SIPA1L1: variants seen among roughly 807,000 people sequenced by gnomAD.
SIPA1L1 encodes signal-induced proliferation-associated 1-like protein 1.
In SIPA1L1, 26 loss-of-function variants were observed where a neutral mutation model predicts 162.7. That is an observed-to-expected ratio of 0.16 (90% confidence interval 0.12 to 0.22). The LOEUF (loss-of-function observed/expected upper bound fraction) is 0.22, where lower values mean the gene tolerates loss of function less well. Among genes scored for constraint, SIPA1L1 ranks in the 10% least tolerant of loss-of-function variants. The pLI is 1.00. For synonymous variants in SIPA1L1, 829 were observed against 837.4 expected (o/e 0.99, Z 0.17); for missense variants, 1,874 against 2,241.0 (o/e 0.84, Z 3.31).
chr14:71,445,427 TAA>T (rs1345285382), intron 2 of SIPA1L1, among the ~76,000 whole-genome samples: 8 of 152,182 alleles, frequency 5.3e-5, no homozygotes, highest in African/African-American at 7.2e-5. Context: ...TATTTTAAAA[TAA>T]AGTCTAAGTT....
At chr14:71,362,296 G>A (rs1055117061) in intron 2 of SIPA1L1, among the ~76,000 whole-genome samples, 1 of 152,178 alleles carries the variant, frequency 6.6e-6, no homozygotes, top group Non-Finnish European at 1.5e-5. Flanking sequence ...TTAAAAAATG[G>A]GCAGTTTGAT....
At chr14:71,333,289 T>G (rs1248270824) in intron 2 of SIPA1L1, among the ~76,000 whole-genome samples, 1 of 152,210 alleles carries the variant, frequency 6.6e-6, no homozygotes, top group Non-Finnish European at 1.5e-5. Flanking sequence ...GGTAACATCA[T>G]GTCACTGAAT....
At chr14:71,650,677 C>T (rs1177064752) in intron 8 of SIPA1L1, among the ~76,000 whole-genome samples, 168 bp downstream of exon 8, 1 of 152,174 alleles carries the variant, frequency 6.6e-6, no homozygotes, top group African/African-American at 2.4e-5. Context: ...AGTTGAAGAT[C>T]ATAACCAAAG....
chr14:71,431,615 G>A (rs2043996710), intron 2 of SIPA1L1, among the ~76,000 whole-genome samples: 1 of 152,078 alleles, frequency 6.6e-6, no homozygotes, highest in South Asian at 2.1e-4. Context: ...GATTGCTTGA[G>A]TCTGGGAGGT....
At chr14:71,543,961 A>ATATGTG (rs1567179338) in intron 4 of SIPA1L1, among the ~76,000 whole-genome samples, 91 of 149,096 alleles carry the variant, frequency 6.1e-4, no homozygotes, top group Non-Finnish European at 1.1e-3. Flanking sequence ...ACGCACATGT[A>ATATGTG]TGTATATATA....
At chr14:71,598,901 T>G (rs1479011590) in intron 5 of SIPA1L1, among the ~76,000 whole-genome samples, 2 of 151,848 alleles carry the variant, frequency 1.3e-5, no homozygotes, top group African/African-American at 4.8e-5. Flanking sequence ...CATTAGAACT[T>G]TTATTGTCTA....
At chr14:71,700,613 T>C (rs1250432521) in intron 14 of SIPA1L1, among the ~76,000 whole-genome samples, 7 of 152,124 alleles carry the variant, frequency 4.6e-5, no homozygotes, top group Non-Finnish European at 1.5e-5. Context: ...GCTACATCAG[T>C]ATGTGAGATA....
At chr14:71,548,416 TG>T (rs1216042320) in intron 4 of SIPA1L1, among the ~76,000 whole-genome samples, 1 of 152,136 alleles carries the variant, frequency 6.6e-6, no homozygotes, top group African/African-American at 2.4e-5. Flanking sequence ...TATATCCTTG[TG>T]GGGAGGAGTG....
At chr14:71,368,312 C>A (rs1311555045) in intron 2 of SIPA1L1, among the ~76,000 whole-genome samples, 1 of 137,998 alleles carries the variant, frequency 7.2e-6, no homozygotes, top group South Asian at 2.5e-4. Context: ...CCTCCCCGCT[C>A]CCCCCACCCC....
chr14:71,353,366 C>T (rs753922707), intron 2 of SIPA1L1, among the ~76,000 whole-genome samples: 6 of 152,088 alleles, frequency 3.9e-5, no homozygotes, highest in Non-Finnish European at 5.9e-5. Context: ...ACATTTTAGA[C>T]CAAAGAGGCA....
intron 2 of SIPA1L1, among the ~76,000 whole-genome samples, chr14:71,446,906 G>GTTTTTTTTT (rs1189940440): frequency 5.5e-3 from 294 of 53,156 alleles, no homozygotes; most frequent in Non-Finnish European, 7.1e-3. Context: ...TTTTTTTTTT[G>GTTTTTTTTT]TTTTTTTTTT....
intron 2 of SIPA1L1, among the ~76,000 whole-genome samples, chr14:71,422,393 G>A (rs1298739462): frequency 6.6e-6 from 1 of 151,952 alleles, no homozygotes; most frequent in African/African-American, 2.4e-5. Flanking sequence ...TAATAATGTT[G>A]TCCAGCTGTC....
At chr14:71,513,032 A>G (rs1054358076) in intron 3 of SIPA1L1, among the ~76,000 whole-genome samples, 187 bp downstream of exon 3, 1 of 152,166 alleles carries the variant, frequency 6.6e-6, no homozygotes, top group South Asian at 2.1e-4. Context: ...TACCTCACAT[A>G]TACTGACTGA....
intron 5 of SIPA1L1, among the ~76,000 whole-genome samples, chr14:71,591,939 G>A (rs1003020402): frequency 1.1e-4 from 17 of 152,022 alleles, no homozygotes; most frequent in African/African-American, 3.6e-4. Flanking sequence ...TAGGAACAAC[G>A]TTTATCTTTT....
In SIPA1L1 at chr14:71,730,245, C is replaced by T; in HGVS notation, c.4805C>T (p.Pro1602Leu). The stretch of plus-strand genomic sequence containing the variant: ...TTCAGTAGCACGTACCCTTCTCTCC[C>T]CAAGTCGCTCCCGTTGAGGAGGCCT... The part of the protein sequence containing the change: ...VLFSSTYPSL[P>L]KSLPLRRPSY... Residue 1602 changes from proline (P) to leucine (L), a missense_variant, in exon 20 of 24, where the codon CCC becomes CTC. Pro to Leu is a moderately conservative substitution (Grantham distance 98). Transcript: ENST00000381232. The T allele has an allele frequency of 1.2e-6, 2 of 1,614,160 alleles. No individual in the cohort carries two copies. Among genetic ancestry groups the T allele is most frequent in the Non-Finnish European group, 1.7e-6 (2 of 1,180,024 alleles).
At chr14:71,464,839 C>T (rs1223157413) in intron 2 of SIPA1L1, among the ~76,000 whole-genome samples, 2 of 152,106 alleles carry the variant, frequency 1.3e-5, no homozygotes, top group Admixed American at 6.6e-5. Flanking sequence ...AAGTGTAGCG[C>T]ACCCCGTCAT....
chr14:71,570,786 T>C (rs1211013238), intron 4 of SIPA1L1, among the ~76,000 whole-genome samples: 1 of 152,148 alleles, frequency 6.6e-6, no homozygotes, highest in South Asian at 2.1e-4. Flanking sequence ...AATAGAATGA[T>C]TTTTTATTTT....
chr14:71,384,677 A>G (rs2040176668), intron 2 of SIPA1L1, among the ~76,000 whole-genome samples: 1 of 152,234 alleles, frequency 6.6e-6, no homozygotes, highest in African/African-American at 2.4e-5. Context: ...AATACTCAAC[A>G]TGCCTTTTTT....
chr14:71,403,985 A>T (rs908810316), intron 2 of SIPA1L1, among the ~76,000 whole-genome samples: 2 of 48,412 alleles, frequency 4.1e-5, no homozygotes, highest in Non-Finnish European at 4.6e-5. Context: ...ACACATACCC[A>T]CCCACCCACC....
Sources: gnomAD v4.1 joint callset for allele counts (sites outside exome capture counted in the v4.1 genomes callset) on GRCh38, gnomAD v4.1.1 for gene constraint, MANE v1.5 for transcripts, NCBI Gene and HGNC (gene_info 2026-07-23, HGNC 2026-07-21) for gene names.